Variants in ADGRB1 observed in about 807,000 individuals in gnomAD.
The protein encoded by ADGRB1 is brain-specific angiogenesis inhibitor 1.
Under a neutral mutation model 175.7 loss-of-function variants are expected in ADGRB1, and 36 were observed. The ratio of observed to expected loss-of-function variants is 0.20; its 90% CI spans 0.16 to 0.27. The LOEUF (loss-of-function observed/expected upper bound fraction) is 0.27, where lower values mean the gene tolerates loss of function less well. Ranked by LOEUF, ADGRB1 falls within the 10% of genes least tolerant of loss-of-function variation. The probability of loss-of-function intolerance (pLI) is 1.00; values close to 1 mark genes in which losing one functional copy is unlikely to be tolerated. For synonymous variants in ADGRB1, 1,054 were observed against 979.4 expected, an observed-to-expected ratio of 1.08 and a Z score of -1.42; for missense variants, 1,731 against 2,255.3, an observed-to-expected ratio of 0.77 and a Z score of 4.71.
At chr8:142,501,419 A>ATGG (rs1842527780) in intron 17 of ADGRB1, among the ~76,000 whole-genome samples, 1 of 59,602 alleles carries the variant, frequency 1.7e-5, no homozygotes, top group Non-Finnish European at 3.4e-5. Context: ...GGTGGTGATG[A>ATGG]TGGGGTGGTG....
At chr8:142,452,348 C>G (rs1014015435) in intron 1 of ADGRB1, among the ~76,000 whole-genome samples, 5 of 152,166 alleles carry the variant, frequency 3.3e-5, no homozygotes, top group African/African-American at 1.2e-4. Context: ...ATCCCAGGGA[C>G]GGGCGCTTGT....
chr8:142,522,848 C>T, intron 22 of ADGRB1, 138 bp downstream of exon 22: 1 of 1,031,482 alleles, frequency 9.7e-7, no homozygotes, highest in Non-Finnish European at 1.3e-6. Flanking sequence ...GAGGGTGGGG[C>T]CCCAGGGGCT....
intron 2 of ADGRB1, among the ~76,000 whole-genome samples, chr8:142,470,159 C>A (rs1244326413): frequency 7.2e-5 from 11 of 152,362 alleles, no homozygotes; most frequent in Non-Finnish European, 1.5e-4. Context: ...CGTGCTGCCC[C>A]ACGCCCCACC....
chr8:142,483,242 C>G (rs1841466596), intron 11 of ADGRB1, among the ~76,000 whole-genome samples: 1 of 149,312 alleles, frequency 6.7e-6, no homozygotes, highest in Non-Finnish European at 1.5e-5. Flanking sequence ...AGCCCTGACC[C>G]TGGTCACACA....
chr8:142,514,547 G>C (rs938424518), intron 18 of ADGRB1, among the ~76,000 whole-genome samples: 3 of 152,192 alleles, frequency 2.0e-5, no homozygotes, highest in Non-Finnish European at 4.4e-5. Flanking sequence ...GAAAAGGACA[G>C]TTGTTGTTGG....
chr8:142,519,126 C>T (rs1843617826), intron 19 of ADGRB1, among the ~76,000 whole-genome samples: 1 of 152,162 alleles, frequency 6.6e-6, no homozygotes, highest in Non-Finnish European at 1.5e-5. Context: ...GGTGTTTCCT[C>T]TTCCCGGGAC....
Position 142,511,174 on chromosome 8 carries a change from C to T in ADGRB1, c.2817+101C>T. The T allele has an allele frequency of 6.4e-6, 6 of 934,932 alleles. No homozygotes were observed. The highest frequency in any genetic ancestry group is 7.7e-6 in the Non-Finnish European group (6 of 776,766). The allele number at this position is 934,932 out of a possible 1,614,324, so 57.9% of individuals were successfully genotyped here. ...GGGGAGGGCCCGCACCCGTCCTGTC[C>T]CGGAGGGGTCGCTGTGGCCCGCAGC... On this transcript the variant is annotated intron_variant, in intron 18 of 30. Coordinates refer to ENST00000517894, the MANE Select transcript of ADGRB1 (RefSeq NM_001702.3). This position sits in a 1 kb window ranked among gnomAD's most constrained non-coding sequence, Gnocchi z 4.5.
At chr8:142,529,903 T>TGTGTGAGCATGCATCTGTGTGTGTAC (rs1410550092) in intron 24 of ADGRB1, among the ~76,000 whole-genome samples, 6 of 148,040 alleles carry the variant, frequency 4.1e-5, no homozygotes, top group Non-Finnish European at 1.5e-5. Context: ...TCTGTGTGGA[T>TGTGTGAGCATGCATCTGTGTGTGTAC]GTGTGAGCAT....
Position 142,533,377 on chromosome 8 carries a change from C to T in ADGRB1, c.3481C>T (p.Arg1161Cys), listed in dbSNP as rs945515473. The T allele has an allele frequency of 1.9e-6, 3 of 1,609,688 alleles. No homozygotes were observed. In the African/African-American group the frequency reaches 4.0e-5, roughly 21 times the overall value. The change falls in exon 25 of 31, where the codon CGC becomes TGC. Residue 1161 changes from arginine to cysteine, a missense_variant. Physicochemically the swap from Arg to Cys is radical, Grantham distance 180. Around this residue, in one of 8 missense-constraint regions of ADGRB1, gnomAD observed 301 missense variants for 488.4 expected, o/e 0.62. Transcript: ENST00000517894. The part of the protein sequence containing the change: ...MSAVLAVTDR[R>C]SALFQILFAV... ...GGCTGTGCTCGCCGTCACCGACCGC[C>T]GCTCCGCCCTCTTCCAGATCCTCTT...
At chr8:142,521,779 A>G (rs1843864497) in intron 20 of ADGRB1, among the ~76,000 whole-genome samples, 186 bp from the exon 21 acceptor site, 1 of 152,206 alleles carries the variant, frequency 6.6e-6, no homozygotes, top group Admixed American at 6.5e-5. Context: ...CGGGGCTTAG[A>G]TGGTCAACAA....
At position 142,481,612 on chromosome 8, in the gene ADGRB1, C is replaced by A. The variant is rs746803629; in HGVS notation, c.2031C>A (p.Thr677=). 6.2e-7 allele frequency: 1 copy of A among 1,604,718 alleles called. No homozygotes were observed. The highest frequency in any genetic ancestry group is 1.1e-5 in the South Asian group (1 of 88,998). ...TGGTGGAGATCTCTCAGGACGGGAC[C>A]AGCTACAGTGGGGACCTGCTGTCCA... ...QTLVEISQDG[T]SYSGDLLSTI... is the part of the protein sequence containing the mutation. Residue 677 remains threonine (T), a synonymous_variant, in exon 11 of 31, where the codon ACC becomes ACA. Coordinates refer to ENST00000517894, the MANE Select transcript of ADGRB1 (RefSeq NM_001702.3).
chr8:142,534,822 A>G (rs1292514768), intron 25 of ADGRB1, among the ~76,000 whole-genome samples: 1 of 152,202 alleles, frequency 6.6e-6, no homozygotes, highest in Non-Finnish European at 1.5e-5. Context: ...TGCACGCCAC[A>G]TGGGCCAGGC....
chr8:142,544,725 C>T lies in ADGRB1; in HGVS notation c.*308C>T, dbSNP rs1012837583. The T allele has an allele frequency of 5.1e-5, 12 of 236,808 alleles. No individual in the cohort carries two copies. Among genetic ancestry groups the T allele is most frequent in the South Asian group, 3.2e-4 (2 of 6,196 alleles). 14.7% of individuals were successfully genotyped at this position (236,808 alleles called of 1,614,324 possible). A position where few individuals can be genotyped will look rare whatever the true frequency, so the allele number is the denominator to read the frequency against. ...CTGTGGACCGTGGACAGGCCCAGCG[C>T]GGCCAGCGTCCCAGGGTACCCGCCT... On this transcript the variant is annotated 3_prime_UTR_variant, in exon 31 of 31. Transcript: ENST00000517894.
chr8:142,464,908 G>C lies in ADGRB1; in HGVS notation c.710G>C (p.Arg237Thr), dbSNP rs1840177286. The C allele has an allele frequency of 6.5e-7, 1 of 1,530,094 alleles. No homozygotes were observed. The highest frequency in any genetic ancestry group is 1.4e-5 in the African/African-American group (1 of 72,158). The allele number at this position is 1,530,094 out of a possible 1,614,324, so 94.8% of individuals were successfully genotyped here. The change falls in exon 2 of 31, where the codon AGA (arginine) becomes ACA (threonine). Residue 237 changes from arginine (R) to threonine (T), a missense_variant. By Grantham distance (71) the Arg-to-Thr change is moderately conservative. This residue lies in a region of ADGRB1 where 383 missense variants were observed against 383.1 expected (regional missense o/e 1.00). Transcript: ENST00000517894. The stretch of plus-strand genomic sequence containing the variant: ...GCCCCCCGCGGGGATGTCTGCTTGA[G>C]AGATGCGGTGGCTGGTGGCCCTGAA... ...PLAPRGDVCL[R>T]DAVAGGPENC...
At chr8:142,538,255 G>T (rs1024854525) in intron 26 of ADGRB1, among the ~76,000 whole-genome samples, 1 of 152,202 alleles carries the variant, frequency 6.6e-6, no homozygotes, top group Non-Finnish European at 1.5e-5. Context: ...CCTGGGTCCC[G>T]GGGTGCCCAG....
intron 1 of ADGRB1, among the ~76,000 whole-genome samples, chr8:142,462,531 C>G (rs1430896550): frequency 6.6e-6 from 1 of 152,242 alleles, no homozygotes; most frequent in Middle Eastern, 3.2e-3. Context: ...GGCCAGACCT[C>G]GAGGCTGCCT....
At position 142,544,256 on chromosome 8, in the gene ADGRB1, G is replaced by A; in HGVS notation, c.4594G>A (p.Glu1532Lys). Residue 1532 changes from glutamate to lysine, a missense_variant, in exon 31 of 31, where the codon GAG (glutamate) becomes AAG (lysine). Coordinates refer to ENST00000517894, the MANE Select transcript of ADGRB1 (RefSeq NM_001702.3). Reference sequence around the variant, plus strand: ...GCAGACGCCCAACAAGAGGCCCTGGGAGAGCCTCCGGAAAGCCCACGGGAC... The same window carrying A: ...GCAGACGCCCAACAAGAGGCCCTGGAAGAGCCTCCGGAAAGCCCACGGGAC... ...KQQTPNKRPW[E>K]SLRKAHGTPT... 1 of 1,549,212 alleles carries A rather than the reference G, an allele frequency of 6.5e-7. No individual in the cohort carries two copies. Among genetic ancestry groups the A allele is most frequent in the Non-Finnish European group, 8.7e-7 (1 of 1,146,664 alleles).
At chr8:142,531,806 C>G (rs1255966598) in intron 24 of ADGRB1, among the ~76,000 whole-genome samples, 1 of 152,128 alleles carries the variant, frequency 6.6e-6, no homozygotes, top group Non-Finnish European at 1.5e-5. Flanking sequence ...GGTAGAGGGC[C>G]GGATGGAGGA....
intron 17 of ADGRB1, among the ~76,000 whole-genome samples, chr8:142,505,223 G>A (rs540275171): frequency 7.9e-5 from 12 of 152,328 alleles, no homozygotes; most frequent in African/African-American, 2.6e-4. Flanking sequence ...GAGCTCCGAG[G>A]GTGAGAATAG....
Sources: gnomAD v4.1 joint callset for allele counts (sites outside exome capture counted in the v4.1 genomes callset) on GRCh38, gnomAD v4.1.1 for gene constraint, gnomAD v4.1.1 regional missense constraint, Gnocchi (gnomAD v3.1) non-coding constraint, MANE v1.5 for transcripts, NCBI Gene and HGNC (gene_info 2026-07-23, HGNC 2026-07-21) for gene names.